SHPK: variants seen among roughly 807,000 people sequenced by gnomAD.
SHPK encodes carbohydrate kinase-like protein.
A neutral mutation model predicts 46.3 loss-of-function variants in SHPK; 51 were observed. The ratio of observed to expected loss-of-function variants is 1.10; its 90% CI spans 0.88 to 1.39. The LOEUF (loss-of-function observed/expected upper bound fraction) is 1.39, where lower values mean the gene tolerates loss of function less well. SHPK is among the 40% of genes most tolerant of loss of function. The pLI, the probability that SHPK is intolerant of heterozygous loss-of-function variation, is 0.00. For synonymous variants in SHPK, 290 were observed against 273.9 expected, an observed-to-expected ratio of 1.06 and a Z score of -0.58; for missense variants, 668 against 641.3, an observed-to-expected ratio of 1.04 and a Z score of -0.45.
At position 3,609,036 on chromosome 17, in the gene SHPK, C is replaced by A. The variant is rs534777497; in HGVS notation, c.*1524G>T. 1 of 152,334 alleles carries A rather than the reference C, an allele frequency of 6.6e-6. No individual in the cohort carries two copies. The highest frequency in any genetic ancestry group is 2.1e-4 in the South Asian group (1 of 4,826). The allele number at this position is 152,334 out of a possible 1,614,324, so 9.4% of individuals were successfully genotyped here. On this transcript the variant is annotated 3_prime_UTR_variant, in exon 7 of 7. Transcript: ENST00000225519. ...CCTCCTGAGTAGCTGGGATTACAGG[C>A]ATGCGCCACCACGCCCGGCTTGTAT... is the stretch of plus-strand genomic sequence containing the variant.
At chr17:3,612,890 T>G (rs1338718092) in intron 6 of SHPK, among the ~76,000 whole-genome samples, 1 of 152,028 alleles carries the variant, frequency 6.6e-6, no homozygotes, top group Non-Finnish European at 1.5e-5. Flanking sequence ...TAGCTGGGAC[T>G]ACAGGTGCAT....
intron 5 of SHPK, among the ~76,000 whole-genome samples, chr17:3,616,419 G>A (rs2075372021): frequency 6.6e-6 from 1 of 152,136 alleles, no homozygotes; most frequent in Non-Finnish European, 1.5e-5. Flanking sequence ...ACAGCATCAA[G>A]CGTGGGCTCA....
At chr17:3,634,530 C>G (rs1322080221) in intron 1 of SHPK, among the ~76,000 whole-genome samples, 1 of 147,806 alleles carries the variant, frequency 6.8e-6, no homozygotes, top group Non-Finnish European at 1.5e-5. Context: ...AGAGATTGCA[C>G]CACTGCACTC....
chr17:3,632,202 G>A (rs553169845), intron 1 of SHPK, among the ~76,000 whole-genome samples: 3 of 151,540 alleles, frequency 2.0e-5, no homozygotes, highest in East Asian at 3.9e-4. Context: ...TGATTCGCCC[G>A]CCTCGGCCTC....
intron 1 of SHPK, among the ~76,000 whole-genome samples, chr17:3,631,357 A>T (rs1403757234): frequency 6.6e-6 from 1 of 151,994 alleles, no homozygotes; most frequent in Non-Finnish European, 1.5e-5. Flanking sequence ...GGGGGCAGGA[A>T]GAAGGGTTCT....
Position 3,636,164 on chromosome 17 carries a change from G to C in SHPK, c.56C>G (p.Ala19Gly). ...GTCGGGCGCGGCCCTCAGCAGAGCT[G>C]CCTTCACAGATGTGGTGCCCAGGTC... Reference protein sequence around the residue: ...GIDLGTTSVKAALLRAAPDDP... With the variant: ...GIDLGTTSVKGALLRAAPDDP... Residue 19 changes from alanine to glycine, a missense_variant, in exon 1 of 7, where the codon GCA becomes GGA. Ala to Gly is a moderately conservative substitution (Grantham distance 60, BLOSUM62 0). Transcript: ENST00000225519. The C allele has an allele frequency of 6.2e-7, 1 of 1,612,258 alleles. No homozygotes were observed. The highest frequency in any genetic ancestry group is 8.5e-7 in the Non-Finnish European group (1 of 1,179,070).
chr17:3,612,425 T>TA (rs375264317), intron 6 of SHPK, among the ~76,000 whole-genome samples: 1,873 of 125,146 alleles, frequency 0.015, 18 homozygotes, highest in African/African-American at 0.035. Flanking sequence ...GACTCAGTCT[T>TA]AAAAAAAAAA....
intron 1 of SHPK, among the ~76,000 whole-genome samples, chr17:3,634,415 C>CA (rs1238261031): frequency 6.6e-6 from 1 of 151,432 alleles, no homozygotes; most frequent in East Asian, 1.9e-4. Context: ...ACCAAAAATA[C>CA]AAAAAAATTC....
At chr17:3,635,240 A>AGAAAGGAAGGAAG (rs2075508366) in intron 1 of SHPK, among the ~76,000 whole-genome samples, 2 of 140,248 alleles carry the variant, frequency 1.4e-5, no homozygotes, top group Non-Finnish European at 3.1e-5. Flanking sequence ...GAAGGAAGGA[A>AGAAAGGAAGGAAG]GGAAGGGAAG....
At chr17:3,623,210 G>A in intron 4 of SHPK, 129 bp downstream of exon 4, 2 of 1,028,564 alleles carry the variant, frequency 1.9e-6, no homozygotes, top group Non-Finnish European at 2.9e-6. Context: ...CAGGGGCACT[G>A]GACCCTGATC....
chr17:3,625,854 A>G (rs949210071), intron 2 of SHPK, among the ~76,000 whole-genome samples: 2 of 152,120 alleles, frequency 1.3e-5, no homozygotes, highest in Admixed American at 6.5e-5. Context: ...GGAGTTCGAG[A>G]CCAGCCTGGA....
chr17:3,614,737 A>G (rs1238918545), intron 6 of SHPK, among the ~76,000 whole-genome samples: 1 of 149,608 alleles, frequency 6.7e-6, no homozygotes, highest in Non-Finnish European at 1.5e-5. Flanking sequence ...AATCCCAGCT[A>G]CTCGGAAGGC....
At chr17:3,631,422 T>C (rs2075470976) in intron 1 of SHPK, among the ~76,000 whole-genome samples, 1 of 151,526 alleles carries the variant, frequency 6.6e-6, no homozygotes, top group Non-Finnish European at 1.5e-5. Flanking sequence ...CGTTAGCCAC[T>C]TGTGGCTAGT....
chr17:3,634,813 C>G (rs1477261095), intron 1 of SHPK, among the ~76,000 whole-genome samples: 1 of 152,064 alleles, frequency 6.6e-6, no homozygotes, highest in African/African-American at 2.4e-5. Flanking sequence ...CTCAGAAATG[C>G]TTCTGAGCCA....
Position 3,608,481 on chromosome 17 carries a change from C to T in SHPK, c.*2079G>A, listed in dbSNP as rs1041997778. On this transcript the variant is annotated 3_prime_UTR_variant, in exon 7 of 7. Coordinates refer to ENST00000225519, the MANE Select transcript of SHPK (RefSeq NM_013276.4). ...GGCGATCTGACGACTAAGTGACTGA[C>T]CGGCGGGGAGCATCTACGGCCTGGA... is the stretch of plus-strand genomic sequence containing the variant. 2 of 152,112 alleles carry T rather than the reference C, an allele frequency of 1.3e-5. No individual in the cohort carries two copies. The highest frequency in any genetic ancestry group is 4.8e-5 in the African/African-American group (2 of 41,428). 9.4% of individuals were successfully genotyped at this position (152,112 alleles called of 1,614,324 possible). A position where few individuals can be genotyped will look rare whatever the true frequency, so the allele number is the denominator to read the frequency against.
chr17:3,636,089 G>T lies in SHPK; in HGVS notation c.131C>A (p.Ala44Glu), dbSNP rs369869079. 3.1e-6 allele frequency: 5 copies of T among 1,599,452 alleles called. No homozygotes were observed. Among genetic ancestry groups the T allele is most frequent in the Middle Eastern group, 1.8e-4 (1 of 5,568 alleles). Residue 44 changes from alanine to glutamate, a missense_variant, in exon 1 of 7, where the codon GCA (alanine) becomes GAA (glutamate). Ala to Glu is a moderately radical substitution (Grantham distance 107). Coordinates refer to ENST00000225519, the MANE Select transcript of SHPK (RefSeq NM_013276.4). ...CACCGCGCTCTCGACCGCCGCCTCT[G>T]CCCGCGCAGCACGGGCACAGCTCGC... The part of the protein sequence containing the change: ...VLASCARAAR[A>E]EAAVESAVAG...
chr17:3,614,636 T>C (rs1365915766), intron 6 of SHPK, among the ~76,000 whole-genome samples: 4 of 151,886 alleles, frequency 2.6e-5, no homozygotes, highest in Non-Finnish European at 5.9e-5. Flanking sequence ...TCACCTGAGG[T>C]CAGGAGTTCA....
At chr17:3,623,247 C>A in intron 4 of SHPK, 92 bp downstream of exon 4, 1 of 1,457,256 alleles carries the variant, frequency 6.9e-7, no homozygotes, top group Non-Finnish European at 9.5e-7. Flanking sequence ...CTCCACCACT[C>A]CCAGATGGGA....
chr17:3,629,728 TA>T lies in SHPK; in HGVS notation c.310+476del, dbSNP rs59844560. Among the ~76,000 whole-genome samples the T allele has an allele frequency of 5.7e-3, 698 of 121,634 alleles. 2 individuals carry two copies. Among genetic ancestry groups the T allele is most frequent in the African/African-American group, 0.01 (320 of 31,516 alleles). The allele number at this position is 121,634 out of a possible 152,430, so 79.8% of individuals were successfully genotyped here. Reference sequence around the variant, plus strand: ...GGGTAACAAGAGTGAAACTCCACCTTAAAAAAAAAAAAAAAAAAAGATATGC... The same window carrying T: ...GGGTAACAAGAGTGAAACTCCACCTTAAAAAAAAAAAAAAAAAAGATATGC... On this transcript the variant is annotated intron_variant, in intron 2 of 6. Transcript: ENST00000225519.
Sources: gnomAD v4.1 joint callset for allele counts (sites outside exome capture counted in the v4.1 genomes callset) on GRCh38, gnomAD v4.1.1 for gene constraint, MANE v1.5 for transcripts, NCBI Gene and HGNC (gene_info 2026-07-23, HGNC 2026-07-21) for gene names.